Variants in CDH19 observed in about 807,000 individuals in gnomAD.
CDH19 encodes the protein cadherin-19.
In CDH19, 67 loss-of-function variants were observed where a neutral mutation model predicts 64.2. The ratio of observed to expected loss-of-function variants is 1.04; its 90% CI spans 0.86 to 1.28. The LOEUF is 1.28. Among genes scored for constraint, CDH19 ranks in the 50% most tolerant of loss-of-function variants. CDH19 has a pLI of 0.00. For synonymous variants in CDH19, 346 were observed against 319.3 expected (o/e 1.08, Z -0.89); for missense variants, 1,030 against 929.0 (o/e 1.11, Z -1.41).
intron 7 of CDH19, among the ~76,000 whole-genome samples, chr18:66,539,828 T>C (rs1360766587): frequency 1.3e-5 from 2 of 152,052 alleles, no homozygotes; most frequent in African/African-American, 4.8e-5. Context: ...ATATATATGC[T>C]TGTGTGTATG....
At chr18:66,568,179 A>G (rs930088120) in intron 3 of CDH19, among the ~76,000 whole-genome samples, 4 of 151,982 alleles carry the variant, frequency 2.6e-5, no homozygotes, top group South Asian at 4.1e-4. Flanking sequence ...TCAAATAAAC[A>G]TATCTAAACT....
chr18:66,520,199 C>A (rs1247850381), intron 9 of CDH19, among the ~76,000 whole-genome samples: 4 of 151,798 alleles, frequency 2.6e-5, no homozygotes, highest in Non-Finnish European at 5.9e-5. Flanking sequence ...AAAAAACAAA[C>A]AAACAAACAA....
intron 1 of CDH19, among the ~76,000 whole-genome samples, chr18:66,603,626 C>T (rs187923647): frequency 5.3e-5 from 8 of 151,800 alleles, no homozygotes; most frequent in Non-Finnish European, 1.0e-4. Context: ...CAAAGAAAGA[C>T]ATGCAAAGAA....
Position 66,544,829 on chromosome 18 carries a change from C to T in CDH19, c.850G>A (p.Asp284Asn), listed in dbSNP as rs140940676. The change falls in exon 6 of 12, where the codon GAC becomes AAC. Residue 284 changes from aspartate to asparagine, a missense_variant. Transcript: ENST00000262150. ...SIGTIMAYDN[D>N]IGENAEMDYS... The stretch of plus-strand genomic sequence containing the variant: ...TCCATTTCTGCATTCTCTCCTATGT[C>T]ATTATCATATGCCATGATTGTTCCT... 7.4e-6 allele frequency: 12 copies of T among 1,612,530 alleles called. No homozygotes were observed. The African/African-American group carries it at 1.3e-4, about 18-fold the overall frequency.
intron 3 of CDH19, among the ~76,000 whole-genome samples, chr18:66,565,296 G>T (rs1395578681): frequency 1.3e-5 from 2 of 151,928 alleles, no homozygotes; most frequent in African/African-American, 4.8e-5. Context: ...GTAAAGAAAT[G>T]TGTGTTTAAT....
intron 7 of CDH19, among the ~76,000 whole-genome samples, chr18:66,540,376 C>T (rs1019882810): frequency 6.6e-6 from 1 of 152,012 alleles, no homozygotes; most frequent in Non-Finnish European, 1.5e-5. Flanking sequence ...TAAATCATAC[C>T]CATTGATACC....
chr18:66,587,663 G>A (rs569499305), intron 1 of CDH19, among the ~76,000 whole-genome samples: 11 of 152,152 alleles, frequency 7.2e-5, no homozygotes, highest in South Asian at 2.1e-4. Flanking sequence ...TAATTGTCTC[G>A]TCTTTATTGC....
chr18:66,545,452 C>A lies in CDH19; in HGVS notation c.776-549G>T, dbSNP rs77224735. Among the ~76,000 whole-genome samples the A allele has an allele frequency of 1.5e-4, 23 of 150,600 alleles. No individual in the cohort carries two copies. The South Asian group carries it at 4.4e-3, about 29-fold the overall frequency. On this transcript the variant is annotated intron_variant, in intron 5 of 11. Transcript: ENST00000262150. ...TCCTCTCTCTGCCCCCATATATAGT[C>A]TCTTTCCCTTTCTTTTTGAAATATA...
chr18:66,523,811 A>G (rs1173689117), intron 9 of CDH19, among the ~76,000 whole-genome samples: 1 of 150,458 alleles, frequency 6.6e-6, no homozygotes, highest in East Asian at 2.0e-4. Flanking sequence ...TACTGGATCT[A>G]GGAAGAGAAG....
rs748259503 is a variant in CDH19 at position 66,554,460 on chromosome 18, A to G, written c.555T>C (p.Arg185=). ...ADDPSSGNNA[R]LLYSLLQGQP... is the part of the protein sequence containing the mutation. ...GGCCTTGAAGTAAGCTGTAGAGGAG[A>G]CGAGCATTATTACCACTTGAGGGAT... Residue 185 remains arginine (R), a synonymous_variant, in exon 4 of 12, where the codon CGT becomes CGC. Transcript: ENST00000262150. The G allele has an allele frequency of 4.3e-6, 7 of 1,611,698 alleles. No individual in the cohort carries two copies. Among genetic ancestry groups the G allele is most frequent in the Middle Eastern group, 3.3e-4 (2 of 6,070 alleles).
intron 4 of CDH19, among the ~76,000 whole-genome samples, chr18:66,551,488 C>T (rs1203524447): frequency 6.6e-6 from 1 of 151,912 alleles, no homozygotes; most frequent in Admixed American, 6.6e-5. Flanking sequence ...TAATAAAATA[C>T]TATGTTAAGA....
intron 1 of CDH19, among the ~76,000 whole-genome samples, chr18:66,578,313 G>A (rs1370728044): frequency 2.0e-5 from 3 of 151,764 alleles, no homozygotes; most frequent in East Asian, 1.9e-4. Flanking sequence ...TTTTAAATAC[G>A]CAAAATATTT....
At chr18:66,578,548 T>C (rs113393022) in intron 1 of CDH19, among the ~76,000 whole-genome samples, 203 of 151,978 alleles carry the variant, frequency 1.3e-3, no homozygotes, top group African/African-American at 4.7e-3. Context: ...CGCATGACTA[T>C]TTAGAAAACA....
At chr18:66,561,683 T>C (rs1987729194) in intron 3 of CDH19, among the ~76,000 whole-genome samples, 2 of 152,000 alleles carry the variant, frequency 1.3e-5, no homozygotes, top group Admixed American at 6.6e-5. Flanking sequence ...TATTTGGAAA[T>C]GCAAAGAATC....
chr18:66,516,792 C>A (rs912695151), intron 9 of CDH19, among the ~76,000 whole-genome samples: 1 of 151,810 alleles, frequency 6.6e-6, no homozygotes, highest in Non-Finnish European at 1.5e-5. Flanking sequence ...AAGATAGGTC[C>A]CTTAGGTTAG....
At chr18:66,517,096 T>C (rs944588238) in intron 9 of CDH19, among the ~76,000 whole-genome samples, 2 of 151,956 alleles carry the variant, frequency 1.3e-5, no homozygotes, top group Admixed American at 6.6e-5. Flanking sequence ...GTCAGACACA[T>C]AGCTTAAAAC....
chr18:66,526,818 A>G (rs914150738), intron 9 of CDH19, among the ~76,000 whole-genome samples: 25 of 152,044 alleles, frequency 1.6e-4, no homozygotes, highest in Non-Finnish European at 4.4e-5. Flanking sequence ...ATAAATCTTC[A>G]CTATTTCATC....
chr18:66,596,024 A>G (rs1327518122), intron 1 of CDH19: 1 of 152,192 alleles, frequency 6.6e-6, no homozygotes, highest in African/African-American at 2.4e-5. Context: ...TAAATAAATA[A>G]ATGTGATTCA....
At position 66,551,674 on chromosome 18, in the gene CDH19, C is replaced by G. The variant is rs189302117; in HGVS notation, c.611-416G>C. 1.6e-3 allele frequency among the ~76,000 whole-genome samples: 239 copies of G among 151,968 alleles called. 1 individual carries two copies. Among genetic ancestry groups the G allele is most frequent in the African/African-American group, 5.2e-3 (217 of 41,478 alleles). On this transcript the variant is annotated intron_variant, in intron 4 of 11. Coordinates refer to ENST00000262150, the MANE Select transcript of CDH19 (RefSeq NM_021153.4). ...CCAAATTTATGAAATAAATGTCATG[C>G]CCTTATTATTTTGAAGTCTACTTAG...
Sources: allele counts gnomAD v4.1 joint callset (sites outside exome capture counted in the v4.1 genomes callset), GRCh38; gene constraint gnomAD v4.1.1; transcripts MANE v1.5; gene names NCBI Gene and HGNC (gene_info 2026-07-23, HGNC 2026-07-21).